GET1: variants seen among roughly 807,000 people sequenced by gnomAD.
GET1 encodes congenital heart disease 5 protein.
GET1 carries 20 observed loss-of-function variants against 22.6 expected under a neutral mutation model. That is an observed-to-expected ratio of 0.89 (90% CI 0.62 to 1.29). The LOEUF (loss-of-function observed/expected upper bound fraction) is 1.29, where lower values mean the gene tolerates loss of function less well. Among genes scored for constraint, GET1 ranks in the 50% most tolerant of loss-of-function variants. The pLI is 0.00. For synonymous variants in GET1, 92 were observed against 83.8 expected (o/e 1.10, Z -0.53); for missense variants, 209 against 219.9 (o/e 0.95, Z 0.31).
chr21:39,422,583 T>C (rs1258595874), intron 1 of GET1: 2 of 268,636 alleles, frequency 7.4e-6, no homozygotes, highest in Non-Finnish European at 6.9e-6. Context: ...TTTAGGGAAG[T>C]AGCCTTTTAA....
At chr21:39,428,172 C>T (rs569302173) in intron 1 of GET1, 1 of 1,558,444 alleles carries the variant, frequency 6.4e-7, no homozygotes, top group Admixed American at 1.9e-5. Context: ...TACTCCTTAC[C>T]TTTAGATTGG....
At chr21:39,417,967 C>T (rs1291622166) in intron 1 of GET1, among the ~76,000 whole-genome samples, 5 of 152,216 alleles carry the variant, frequency 3.3e-5, no homozygotes, top group East Asian at 1.9e-4. Flanking sequence ...GGGGTTTCGC[C>T]GTGTTTGCCA....
downstream of GET1, among the ~76,000 whole-genome samples, chr21:39,400,107 T>TG (rs1043495319): frequency 2.0e-5 from 3 of 152,068 alleles, no homozygotes; most frequent in South Asian, 2.1e-4. Context: ...TCCCCTGACC[T>TG]GGGGGGGCTC....
At chr21:39,382,476 A>C (rs774626520) in intron 1 of GET1, among the ~76,000 whole-genome samples, 3 of 151,784 alleles carry the variant, frequency 2.0e-5, no homozygotes, top group Admixed American at 6.6e-5. Flanking sequence ...GAATTTGACT[A>C]CTCTTGGGAC....
intron 1 of GET1, chr21:39,423,418 A>G (rs541698626): frequency 2.5e-6 from 4 of 1,601,534 alleles, no homozygotes; most frequent in South Asian, 1.1e-5. Context: ...TCTTTGGGCA[A>G]TCATATGGAT....
intron 1 of GET1, chr21:39,422,472 AGCT>A (rs1029646164): frequency 6.4e-6 from 1 of 156,026 alleles, no homozygotes; most frequent in African/African-American, 2.4e-5. Context: ...ATCTGGGAAA[AGCT>A]GCTATTTTGA....
downstream of GET1, chr21:39,407,973 G>A (rs1483099557): frequency 6.6e-6 from 1 of 152,180 alleles, no homozygotes; most frequent in African/African-American, 2.4e-5. Context: ...TACAACTAAG[G>A]TGAGGCCCTT....
intron 1 of GET1, 36 bp from the exon 2 acceptor site, chr21:39,390,662 T>C (rs1389390634): frequency 6.2e-7 from 1 of 1,611,318 alleles, no homozygotes; most frequent in East Asian, 2.2e-5. Flanking sequence ...GTGACCCGTG[T>C]TGGAAGGTGC....
At chr21:39,390,995 A>T in intron 2 of GET1, 132 bp downstream of exon 2, 1 of 994,622 alleles carries the variant, frequency 1.0e-6, no homozygotes, top group Non-Finnish European at 1.4e-6. Context: ...AGTTATCTGG[A>T]GGAAACTCAG....
exon 2 of GET1, chr21:39,428,486 A>G (rs1214083645): frequency 6.3e-7 from 1 of 1,577,730 alleles, no homozygotes; most frequent in South Asian, 1.2e-5. Flanking sequence ...TAGATCAGCC[A>G]AAGACATAGC....
downstream of GET1, among the ~76,000 whole-genome samples, chr21:39,408,165 A>T (rs1212367528): frequency 6.6e-6 from 1 of 152,240 alleles, no homozygotes; most frequent in Non-Finnish European, 1.5e-5. Flanking sequence ...TGGTAATGTA[A>T]CATGAAAACA....
intron 1 of GET1, chr21:39,423,299 T>G: frequency 6.2e-7 from 1 of 1,609,002 alleles, no homozygotes. Context: ...AAAAATTGGT[T>G]TTCTGTAAGG....
intron 4 of GET1, among the ~76,000 whole-genome samples, chr21:39,395,129 C>A (rs1482175129): frequency 3.3e-5 from 5 of 152,172 alleles, no homozygotes; most frequent in Non-Finnish European, 5.9e-5. Context: ...CCCTCCTCAG[C>A]CTCTCAAAGT....
intron 4 of GET1, 70 bp downstream of exon 4, chr21:39,393,350 T>G: frequency 8.0e-7 from 1 of 1,256,098 alleles, no homozygotes. Flanking sequence ...GGTAGAAGAT[T>G]AAGTTAGCCT....
chr21:39,413,458 G>C (rs1051773886), intron 1 of GET1, among the ~76,000 whole-genome samples: 1 of 152,204 alleles, frequency 6.6e-6, no homozygotes, highest in Non-Finnish European at 1.5e-5. Context: ...GTATGGCTTA[G>C]TTACAGAAAA....
At chr21:39,421,977 C>T (rs2073843839) in intron 1 of GET1, 1 of 152,102 alleles carries the variant, frequency 6.6e-6, no homozygotes, top group Admixed American at 6.5e-5. Context: ...TTTTACATGA[C>T]AGACATACGC....
chr21:39,413,824 T>A (rs1347975010), intron 1 of GET1: 1 of 152,272 alleles, frequency 6.6e-6, no homozygotes, highest in Non-Finnish European at 1.5e-5. Flanking sequence ...ACATTTTGAT[T>A]ACCTGAAAAA....
intron 4 of GET1, among the ~76,000 whole-genome samples, chr21:39,403,611 TCTA>T (rs959717395): frequency 1.4e-5 from 2 of 143,360 alleles, no homozygotes; most frequent in African/African-American, 5.0e-5. Context: ...CCGCTCCCGG[TCTA>T]CTATTTTTAT....
intron 1 of GET1, among the ~76,000 whole-genome samples, chr21:39,385,274 C>T (rs940408314): frequency 2.6e-5 from 4 of 152,170 alleles, no homozygotes. Context: ...TCTCAGCACT[C>T]AGTCTAGGCC....
Sources: gnomAD v4.1 joint callset for allele counts (sites outside exome capture counted in the v4.1 genomes callset) on GRCh38, gnomAD v4.1.1 for gene constraint, MANE v1.5 for transcripts, NCBI Gene and HGNC (gene_info 2026-07-23, HGNC 2026-07-21) for gene names.